SYBU: variants seen among roughly 807,000 people sequenced by gnomAD.
SYBU encodes the protein GOLSYN A protein.
Under a neutral mutation model 35.9 loss-of-function variants are expected in SYBU, and 21 were observed. That is an observed-to-expected ratio of 0.58 (90% CI 0.41 to 0.84). The LOEUF is 0.84. SYBU is among the 40% of genes least tolerant of loss of function. The pLI is 0.00. For missense variants in SYBU, 768 were observed against 848.2 expected (o/e 0.91, Z 1.17); for synonymous variants, 319 against 324.3 (o/e 0.98, Z 0.18).
upstream of SYBU, chr8:109,645,616 T>C (rs1175835175): frequency 3.6e-6 from 1 of 280,886 alleles, no homozygotes; most frequent in East Asian, 8.4e-5. Flanking sequence ...AAAGTTTTTG[T>C]TGTTGTTTCG....
Position 109,630,376 on chromosome 8 carries a change from A to C in SYBU, c.230-11337T>G, listed in dbSNP as rs1166016151. ...CAGCATGGCACATGTATACATATGT[A>C]ACTAACCTGCACAATGTGCACATGT... On this transcript the variant is annotated intron_variant, in intron 2 of 6. Transcript: ENST00000276646. 5.3e-5 allele frequency among the ~76,000 whole-genome samples: 8 copies of C among 151,664 alleles called. No individual in the cohort carries two copies. The East Asian group carries it at 1.4e-3, about 26-fold the overall frequency.
chr8:109,663,803 T>C (rs1486725660), intron 1 of SYBU, among the ~76,000 whole-genome samples: 1 of 152,178 alleles, frequency 6.6e-6, no homozygotes, highest in Non-Finnish European at 1.5e-5. Context: ...GCTTTGCTTA[T>C]TGTTTCTGAT....
intron 1 of SYBU, among the ~76,000 whole-genome samples, chr8:109,662,699 G>A (rs1426641577): frequency 2.0e-5 from 3 of 152,136 alleles, no homozygotes; most frequent in African/African-American, 7.2e-5. Flanking sequence ...TGTAAACCAT[G>A]CCTTGGGCTT....
At chr8:109,576,947 A>G (rs1384729763) in intron 6 of SYBU, among the ~76,000 whole-genome samples, 2 of 152,044 alleles carry the variant, frequency 1.3e-5, no homozygotes, top group Non-Finnish European at 2.9e-5. Flanking sequence ...CAATCCTCCC[A>G]TGGACTCTGC....
chr8:109,618,545 T>C (rs1049321700), intron 3 of SYBU, among the ~76,000 whole-genome samples: 1 of 152,234 alleles, frequency 6.6e-6, no homozygotes, highest in Non-Finnish European at 1.5e-5. Context: ...GAATTACTCA[T>C]ATAGTTTAAA....
intron 1 of SYBU, among the ~76,000 whole-genome samples, chr8:109,664,717 G>GT (rs1306366145): frequency 6.6e-6 from 1 of 152,172 alleles, no homozygotes; most frequent in Non-Finnish European, 1.5e-5. Context: ...AGATGAGCAG[G>GT]TGAGGCTTCC....
At chr8:109,662,423 G>A (rs1816596201) in intron 1 of SYBU, among the ~76,000 whole-genome samples, 1 of 152,120 alleles carries the variant, frequency 6.6e-6, no homozygotes, top group South Asian at 2.1e-4. Context: ...GCTGTTTCCA[G>A]TAAGTCACCA....
chr8:109,678,073 G>A (rs1223960231), intron 1 of SYBU, among the ~76,000 whole-genome samples: 13 of 146,858 alleles, frequency 8.9e-5, no homozygotes, highest in Non-Finnish European at 1.3e-4. Context: ...GGTGGGGGTC[G>A]CGGTGAGCTG....
chr8:109,627,787 T>C (rs764735290), intron 2 of SYBU, among the ~76,000 whole-genome samples: 3 of 152,202 alleles, frequency 2.0e-5, no homozygotes, highest in Admixed American at 6.5e-5. Flanking sequence ...ACCACAGAAA[T>C]TGGAGGCAAG....
intron 1 of SYBU, among the ~76,000 whole-genome samples, chr8:109,669,760 G>A (rs1382142608): frequency 1.3e-5 from 2 of 152,156 alleles, no homozygotes; most frequent in Non-Finnish European, 2.9e-5. Flanking sequence ...ATTTATTTGT[G>A]AGTTTAAATA....
intron 2 of SYBU, among the ~76,000 whole-genome samples, chr8:109,620,091 A>G: frequency 6.6e-6 from 1 of 152,220 alleles, no homozygotes; most frequent in South Asian, 2.1e-4. Context: ...CACATTTATT[A>G]AAGTACTTAG....
chr8:109,577,416 G>C (rs1159769759), intron 6 of SYBU, among the ~76,000 whole-genome samples: 1 of 150,930 alleles, frequency 6.6e-6, no homozygotes, highest in Non-Finnish European at 1.5e-5. Flanking sequence ...CCCTTCCTTC[G>C]GCACAGAAAT....
chr8:109,635,033 G>C (rs1174822765), intron 2 of SYBU, among the ~76,000 whole-genome samples: 1 of 152,054 alleles, frequency 6.6e-6, no homozygotes, highest in Non-Finnish European at 1.5e-5. Flanking sequence ...TGCAATATTT[G>C]TTTTTATTCT....
chr8:109,665,968 C>A (rs554560045), intron 1 of SYBU, among the ~76,000 whole-genome samples: 3 of 152,182 alleles, frequency 2.0e-5, no homozygotes, highest in African/African-American at 4.8e-5. Context: ...TAGATGCCTG[C>A]TGTTCAGTTT....
intron 3 of SYBU, among the ~76,000 whole-genome samples, chr8:109,590,658 T>G (rs1320979137): frequency 6.6e-6 from 1 of 151,804 alleles, no homozygotes; most frequent in Non-Finnish European, 1.5e-5. Context: ...GAAATGAAAC[T>G]GCTTATGGGA....
At chr8:109,589,664 C>T (rs1168781799) in intron 3 of SYBU, among the ~76,000 whole-genome samples, 1 of 152,100 alleles carries the variant, frequency 6.6e-6, no homozygotes, top group East Asian at 1.9e-4. Flanking sequence ...GGATAATAAG[C>T]GTTCTGTGCA....
At chr8:109,677,887 C>A (rs777713511) in intron 1 of SYBU, among the ~76,000 whole-genome samples, 1 of 151,998 alleles carries the variant, frequency 6.6e-6, no homozygotes, top group Non-Finnish European at 1.5e-5. Flanking sequence ...GTAATCCCAG[C>A]ACTTTGGCAG....
At chr8:109,650,362 T>C (rs1816075233) in intron 1 of SYBU, among the ~76,000 whole-genome samples, 1 of 152,230 alleles carries the variant, frequency 6.6e-6, no homozygotes, top group Non-Finnish European at 1.5e-5. Context: ...TGTCTTTATT[T>C]CTGCTGAGAA....
In SYBU at chr8:109,577,948, C is replaced by T; in HGVS notation, c.804G>A (p.Leu268=). ...GVRPPNPEQY[L]TPLQQKEVTV... ...TCACCTCTTTCTGCTGCAGTGGAGT[C>T]AAATACTGCTCTGGGTTTGGGGGTC... The change falls in exon 6 of 7, where the codon TTG becomes TTA. Residue 268 remains leucine, a synonymous_variant. Coordinates refer to ENST00000276646, the MANE Select transcript of SYBU (RefSeq NM_001099754.2). 6.2e-7 allele frequency: 1 copy of T among 1,613,966 alleles called. No individual in the cohort carries two copies. Among genetic ancestry groups the T allele is most frequent in the Non-Finnish European group, 8.5e-7 (1 of 1,179,952 alleles).
Sources: allele counts gnomAD v4.1 joint callset (sites outside exome capture counted in the v4.1 genomes callset), GRCh38; gene constraint gnomAD v4.1.1; transcripts MANE v1.5; gene names NCBI Gene and HGNC (gene_info 2026-07-23, HGNC 2026-07-21).